The following RANBP2 variants were observed in gnomAD, a reference collection of about 807,000 sequenced individuals.
RANBP2 encodes the protein RAN binding protein 2, also known as E3 SUMO-protein ligase RanBP2.
RANBP2 carries 57 observed loss-of-function variants against 303.6 expected under a neutral mutation model. The ratio of observed to expected loss-of-function variants is 0.19; its 90% confidence interval spans 0.15 to 0.23. RANBP2 has a LOEUF of 0.23. RANBP2 is among the 10% of genes least tolerant of loss of function. The probability of loss-of-function intolerance (pLI) is 1.00; values close to 1 mark genes in which losing one functional copy is unlikely to be tolerated. For missense variants in RANBP2, 3,138 were observed against 3,780.8 expected (o/e 0.83, Z 4.46); for synonymous variants, 1,167 against 1,301.5 (o/e 0.90, Z 2.23).
rs1005099200 is a variant in RANBP2 at position 108,721,043 on chromosome 2, C to CAAAAAAACAA, written c.72+1369_72+1378dup. ...CAGCCTGGGCGACAGAGGGAGACTCCAAAAAAACAAAAACAAAAACAAAAA... is the reference window on the plus strand; with the variant it reads ...CAGCCTGGGCGACAGAGGGAGACTCCAAAAAAACAAAAAAAAACAAAAACAAAAACAAAAA... On this transcript the variant is annotated intron_variant, in intron 1 of 28. Coordinates refer to ENST00000283195, the MANE Select transcript of RANBP2 (RefSeq NM_006267.5). Among the ~76,000 whole-genome samples, 7 of 151,374 alleles carry CAAAAAAACAA rather than the reference C, an allele frequency of 4.6e-5. No individual in the cohort carries two copies. In the South Asian group the frequency reaches 1.3e-3, roughly 27 times the overall value.
chr2:109,117,840 C>T, the RANBP2 span, among the ~76,000 whole-genome samples: 4 of 152,228 alleles, frequency 2.6e-5, no homozygotes, highest in South Asian at 6.2e-4. Context: ...CCTGTGTATT[C>T]TTCTAAAACC....
the RANBP2 span, among the ~76,000 whole-genome samples, chr2:109,463,460 T>C: frequency 6.6e-6 from 1 of 152,176 alleles, no homozygotes; most frequent in African/African-American, 2.4e-5. Flanking sequence ...TGTGGAGAAG[T>C]GTGACTCCAG....
At chr2:109,351,235 G>T in the RANBP2 span, among the ~76,000 whole-genome samples, 1 of 152,198 alleles carries the variant, frequency 6.6e-6, no homozygotes, top group South Asian at 2.1e-4. Flanking sequence ...TGCTGGGCCA[G>T]TCACCCGGGA....
At chr2:109,700,107 T>G in the RANBP2 span, among the ~76,000 whole-genome samples, 1 of 152,186 alleles carries the variant, frequency 6.6e-6, no homozygotes, top group Non-Finnish European at 1.5e-5. Flanking sequence ...GATATTGTTC[T>G]CCCCATTTAA....
chr2:109,574,443 TAAAAAAAAAAAA>T, the RANBP2 span: 1 of 269,332 alleles, frequency 3.7e-6, no homozygotes, highest in Non-Finnish European at 5.8e-6. Context: ...ACTTTATCTC[TAAAAAAAAAAAA>T]AAAAAAAAAA....
the RANBP2 span, among the ~76,000 whole-genome samples, chr2:108,901,218 G>C: frequency 9.9e-5 from 15 of 152,192 alleles, no homozygotes; most frequent in African/African-American, 3.6e-4. Flanking sequence ...TTGAAAACCA[G>C]ACAACAGTCT....
the RANBP2 span, among the ~76,000 whole-genome samples, chr2:109,431,715 TA>T: frequency 1.3e-5 from 2 of 152,020 alleles, no homozygotes; most frequent in African/African-American, 4.8e-5. Context: ...TTACAAAAAA[TA>T]AAAAACTTAG....
At chr2:108,969,283 CT>C in the RANBP2 span, among the ~76,000 whole-genome samples, 1 of 152,094 alleles carries the variant, frequency 6.6e-6, no homozygotes, top group African/African-American at 2.4e-5. Context: ...TAGATATGCA[CT>C]TTGATTCTGT....
chr2:109,128,970 G>A, the RANBP2 span: 1 of 421,832 alleles, frequency 2.4e-6, no homozygotes. Context: ...TGACCTCCGC[G>A]CGCACCCCCG....
At chr2:108,897,169 G>A in the RANBP2 span, 1 of 1,613,858 alleles carries the variant, frequency 6.2e-7, no homozygotes, top group East Asian at 2.2e-5. Flanking sequence ...GTTGTACGTG[G>A]AGCTGAGCAT....
chr2:109,220,157 C>A, the RANBP2 span, among the ~76,000 whole-genome samples: 1 of 152,148 alleles, frequency 6.6e-6, no homozygotes, highest in African/African-American at 2.4e-5. Context: ...ACAAAGAAGC[C>A]AAGATCAGTC....
the RANBP2 span, among the ~76,000 whole-genome samples, chr2:109,432,880 C>T: frequency 6.6e-6 from 1 of 152,254 alleles, no homozygotes; most frequent in Non-Finnish European, 1.5e-5. Flanking sequence ...CTGTCCTCAG[C>T]AGACATTGGC....
At chr2:108,730,736 T>C (rs758759891) in intron 2 of RANBP2, 38 bp from the exon 3 acceptor site, 115 of 1,603,222 alleles carry the variant, frequency 7.2e-5, no homozygotes, top group Non-Finnish European at 9.5e-5. Flanking sequence ...AGTACAGTTC[T>C]AAGTTTAATT....
At chr2:108,985,369 G>A in the RANBP2 span, among the ~76,000 whole-genome samples, 1 of 152,236 alleles carries the variant, frequency 6.6e-6, no homozygotes, top group African/African-American at 2.4e-5. Context: ...TGTGTTTGGA[G>A]CAGTAGGTCT....
At chr2:109,585,815 C>A in the RANBP2 span, 16 of 1,607,858 alleles carry the variant, frequency 1.0e-5, no homozygotes, top group Non-Finnish European at 1.4e-5. Flanking sequence ...CAGACATAGT[C>A]AACGAACGAA....
chr2:109,358,071 CT>C, the RANBP2 span, among the ~76,000 whole-genome samples: 1 of 152,224 alleles, frequency 6.6e-6, no homozygotes, highest in South Asian at 2.1e-4. Context: ...TCCACCACCC[CT>C]GGCAACCACT....
At chr2:109,693,222 G>A in the RANBP2 span, among the ~76,000 whole-genome samples, 1 of 152,166 alleles carries the variant, frequency 6.6e-6, no homozygotes, top group South Asian at 2.1e-4. Context: ...CTATCGCCCA[G>A]GCTGGAGTGC....
the RANBP2 span, among the ~76,000 whole-genome samples, chr2:109,664,712 C>T: frequency 6.6e-6 from 1 of 151,626 alleles, no homozygotes; most frequent in African/African-American, 2.4e-5. Flanking sequence ...GGTGGACCAC[C>T]TTAGGTCAGG....
chr2:109,285,001 C>T, the RANBP2 span, among the ~76,000 whole-genome samples: 1 of 152,384 alleles, frequency 6.6e-6, no homozygotes, highest in South Asian at 2.1e-4. Flanking sequence ...ACAGCTGCCT[C>T]TGGGAGGACG....
Sources: gnomAD v4.1 joint callset for allele counts (sites outside exome capture counted in the v4.1 genomes callset) on GRCh38, gnomAD v4.1.1 for gene constraint, MANE v1.5 for transcripts, NCBI Gene and HGNC (gene_info 2026-07-23, HGNC 2026-07-21) for gene names.